Variants in GRM8 observed in about 807,000 individuals in gnomAD.
GRM8 encodes glutamate metabotropic receptor 8.
In GRM8, 47 loss-of-function variants were observed where a neutral mutation model predicts 87.2. The ratio of observed to expected loss-of-function variants is 0.54; its 90% CI spans 0.43 to 0.69. The LOEUF (loss-of-function observed/expected upper bound fraction) is 0.69, where lower values mean the gene tolerates loss of function less well. Ranked by LOEUF, GRM8 falls within the 30% of genes least tolerant of loss-of-function variation. The pLI, the probability that GRM8 is intolerant of heterozygous loss-of-function variation, is 0.00. For synonymous variants in GRM8, 396 were observed against 404.5 expected (o/e 0.98, Z 0.25); for missense variants, 1,019 against 1,139.2 (o/e 0.89, Z 1.52).
intron 1 of GRM8, among the ~76,000 whole-genome samples, chr7:127,249,017 C>T (rs17863255): frequency 0.12 from 18,948 of 152,190 alleles, 1,401 homozygotes; most frequent in Middle Eastern, 0.26. Flanking sequence ...ACAAGACAAC[C>T]GGAAACCTTC....
At chr7:127,152,323 C>CTTGGCACAT (rs1792438354) in intron 2 of GRM8, among the ~76,000 whole-genome samples, 1 of 152,014 alleles carries the variant, frequency 6.6e-6, no homozygotes, top group Non-Finnish European at 1.5e-5. Flanking sequence ...TGGCACAATA[C>CTTGGCACAT]AGAAATCCAA....
At chr7:126,471,273 T>C (rs1473647648) in intron 9 of GRM8, among the ~76,000 whole-genome samples, 2 of 152,216 alleles carry the variant, frequency 1.3e-5, no homozygotes, top group Non-Finnish European at 2.9e-5. Context: ...CCCATGCCTA[T>C]GTCCTGAATG....
chr7:126,937,609 G>T (rs752740673), intron 3 of GRM8, among the ~76,000 whole-genome samples: 1 of 152,200 alleles, frequency 6.6e-6, no homozygotes, highest in Non-Finnish European at 1.5e-5. Flanking sequence ...GAGTGAGTTT[G>T]GATTGGCCAA....
chr7:127,019,651 A>G (rs970940207), intron 3 of GRM8, among the ~76,000 whole-genome samples: 4 of 152,096 alleles, frequency 2.6e-5, no homozygotes, highest in African/African-American at 7.2e-5. Context: ...AAGAATCATT[A>G]CACGGGCACA....
chr7:127,223,914 T>A (rs1489719630), intron 2 of GRM8, among the ~76,000 whole-genome samples: 6 of 133,774 alleles, frequency 4.5e-5, no homozygotes, highest in Admixed American at 1.5e-4. Flanking sequence ...AAATGAAATG[T>A]AAAAAAAAAA....
At chr7:126,578,691 T>C (rs2299468) in intron 8 of GRM8, among the ~76,000 whole-genome samples, 46,931 of 152,030 alleles carry the variant, frequency 0.31, 8,120 homozygotes, top group East Asian at 0.44. Flanking sequence ...TTTTATGTGC[T>C]TTAAAGATAT....
intron 6 of GRM8, among the ~76,000 whole-genome samples, chr7:126,827,527 G>T (rs1340994436): frequency 6.6e-6 from 1 of 152,162 alleles, no homozygotes. Flanking sequence ...TCTGTTATTG[G>T]TGTATAAGAA....
chr7:126,790,209 T>C (rs767142112), intron 6 of GRM8, among the ~76,000 whole-genome samples: 3 of 152,168 alleles, frequency 2.0e-5, no homozygotes, highest in Non-Finnish European at 4.4e-5. Context: ...GGTTTCACCA[T>C]GTTGCCCAGG....
chr7:126,831,682 G>T (rs1179456458), intron 6 of GRM8, among the ~76,000 whole-genome samples: 5 of 152,102 alleles, frequency 3.3e-5, no homozygotes, highest in African/African-American at 1.2e-4. Context: ...CCCTGCTTCA[G>T]CTGGTGCACA....
chr7:126,456,981 C>A (rs1803320123), intron 9 of GRM8, among the ~76,000 whole-genome samples: 1 of 151,354 alleles, frequency 6.6e-6, no homozygotes, highest in Non-Finnish European at 1.5e-5. Flanking sequence ...ATGATCAGAA[C>A]CAGGCTTCTC....
chr7:126,973,726 A>G (rs577514189), intron 3 of GRM8, among the ~76,000 whole-genome samples: 1 of 152,350 alleles, frequency 6.6e-6, no homozygotes, highest in South Asian at 2.1e-4. Context: ...ATCATAAGAT[A>G]CACCATTATT....
At chr7:127,183,557 G>A (rs1244003116) in intron 2 of GRM8, among the ~76,000 whole-genome samples, 1 of 151,370 alleles carries the variant, frequency 6.6e-6, no homozygotes, top group Non-Finnish European at 1.5e-5. Flanking sequence ...GGAAAATTAT[G>A]GCACTAAATG....
chr7:127,162,892 A>G (rs1793205336), intron 2 of GRM8, among the ~76,000 whole-genome samples: 1 of 152,194 alleles, frequency 6.6e-6, no homozygotes, highest in Non-Finnish European at 1.5e-5. Flanking sequence ...GAATGCCTTT[A>G]GAAGGGAAAG....
chr7:126,884,839 G>GT (rs757820043), intron 6 of GRM8, among the ~76,000 whole-genome samples: 83 of 152,252 alleles, frequency 5.5e-4, no homozygotes, highest in Non-Finnish European at 1.1e-3. Context: ...ATGTACAACT[G>GT]TAACTGTAAT....
At chr7:126,774,799 G>A (rs1819238290) in intron 6 of GRM8, among the ~76,000 whole-genome samples, 1 of 152,118 alleles carries the variant, frequency 6.6e-6, no homozygotes, top group Admixed American at 6.6e-5. Flanking sequence ...GAGCCTAAGA[G>A]AAATTTCAGA....
Position 126,575,628 on chromosome 7 carries a change from A to C in GRM8, c.1494+33734T>G, listed in dbSNP as rs150145267. ...ATCTTTGAACTTAAGGTAAGAAAAA[A>C]AATTTAACCAAACCAACATAATTGA... On this transcript the variant is annotated intron_variant, in intron 8 of 10. Transcript: ENST00000339582. 4.4e-3 allele frequency among the ~76,000 whole-genome samples: 668 copies of C among 152,178 alleles called. 7 individuals are homozygous for C. Among genetic ancestry groups the C allele is most frequent in the African/African-American group, 0.015 (638 of 41,528 alleles).
intron 9 of GRM8, among the ~76,000 whole-genome samples, chr7:126,522,084 C>A (rs1405226674): frequency 6.6e-6 from 1 of 152,192 alleles, no homozygotes; most frequent in African/African-American, 2.4e-5. Context: ...AGAGAGAAAG[C>A]TATGACTCTT....
At chr7:127,211,714 C>A (rs1263381695) in intron 2 of GRM8, among the ~76,000 whole-genome samples, 2 of 152,126 alleles carry the variant, frequency 1.3e-5, no homozygotes, top group Non-Finnish European at 2.9e-5. Context: ...TGGCTCCTTC[C>A]ACCCTGTGAA....
intron 6 of GRM8, among the ~76,000 whole-genome samples, chr7:126,843,937 G>A (rs1796495218): frequency 6.6e-6 from 1 of 152,164 alleles, no homozygotes; most frequent in South Asian, 2.1e-4. Context: ...TTTAAATAGG[G>A]TGGCAATTTA....
Sources: gnomAD v4.1 joint callset for allele counts (sites outside exome capture counted in the v4.1 genomes callset) on GRCh38, gnomAD v4.1.1 for gene constraint, MANE v1.5 for transcripts, NCBI Gene and HGNC (gene_info 2026-07-23, HGNC 2026-07-21) for gene names.